TCP11L2: variants seen among roughly 807,000 people sequenced by gnomAD.
TCP11L2 encodes t-complex 11 like 2.
Under a neutral mutation model 50.7 loss-of-function variants are expected in TCP11L2, and 39 were observed. That is an observed-to-expected ratio of 0.77 (90% CI 0.60 to 1.01). The LOEUF (loss-of-function observed/expected upper bound fraction) is 1.01. Among genes scored for constraint, TCP11L2 ranks in the 50% least tolerant of loss-of-function variants. The pLI, the probability that TCP11L2 is intolerant of heterozygous loss-of-function variation, is 0.00. For synonymous variants in TCP11L2, 192 were observed against 219.3 expected (o/e 0.88, Z 1.10); for missense variants, 612 against 614.7 (o/e 1.00, Z 0.05).
At chr12:106,316,203 A>C (rs1440012815) in intron 3 of TCP11L2, among the ~76,000 whole-genome samples, 2 of 152,128 alleles carry the variant, frequency 1.3e-5, no homozygotes, top group Admixed American at 1.3e-4. Flanking sequence ...TTTCAGTCCT[A>C]ACTGGTTGCC....
intron 2 of TCP11L2, chr12:106,312,231 G>A: frequency 2.5e-6 from 1 of 405,802 alleles, no homozygotes; most frequent in Non-Finnish European, 4.7e-6. Flanking sequence ...ATTAACCATT[G>A]ATTAATCACT....
At chr12:106,319,800 T>A (rs2035270515) in intron 4 of TCP11L2, among the ~76,000 whole-genome samples, 2 of 152,268 alleles carry the variant, frequency 1.3e-5, no homozygotes, top group South Asian at 4.1e-4. Context: ...GGACTTGAAC[T>A]GAGCCATACT....
chr12:106,346,468 C>A lies in TCP11L2; in HGVS notation c.1498C>A (p.Arg500=). The A allele has an allele frequency of 6.2e-7, 1 of 1,614,084 alleles. No individual in the cohort carries two copies. Among genetic ancestry groups the A allele is most frequent in the Non-Finnish European group, 8.5e-7 (1 of 1,179,996 alleles). ...TGGACCATTTTATGCAAATATACTT[C>A]GAAAGCTGCTCTTCAATGAGGAAGC... ...VYGPFYANIL[R]KLLFNEEAMG... is the part of the protein sequence containing the mutation. Residue 500 remains arginine (R), a synonymous_variant, in exon 10 of 10, where the codon CGA becomes AGA. Coordinates refer to ENST00000299045, the MANE Select transcript of TCP11L2 (RefSeq NM_152772.3).
upstream of TCP11L2, among the ~76,000 whole-genome samples, chr12:106,299,111 C>T (rs1276652438): frequency 1.3e-5 from 2 of 152,152 alleles, no homozygotes; most frequent in East Asian, 1.9e-4. Context: ...CCACCATGCC[C>T]AGCCCATTTT....
chr12:106,327,371 A>AT (rs1592960971), intron 6 of TCP11L2, among the ~76,000 whole-genome samples: 2 of 152,090 alleles, frequency 1.3e-5, no homozygotes, highest in South Asian at 4.2e-4. Context: ...TTTTTAAAAC[A>AT]TTTTTTGTAG....
At chr12:106,305,273 T>C (rs2034582526) in intron 1 of TCP11L2, among the ~76,000 whole-genome samples, 1 of 151,794 alleles carries the variant, frequency 6.6e-6, no homozygotes, top group South Asian at 2.1e-4. Context: ...AAAGAACTTA[T>C]CATAGAACAG....
chr12:106,317,952 T>C (rs572633767), intron 3 of TCP11L2, among the ~76,000 whole-genome samples: 1 of 152,360 alleles, frequency 6.6e-6, no homozygotes, highest in Admixed American at 6.5e-5. Context: ...ATCTGTTCTA[T>C]TCCATGCCAT....
chr12:106,311,039 AG>A lies in TCP11L2; in HGVS notation c.-35del. On this transcript the variant is annotated splice_acceptor_variant, in intron 1 of 9. Transcript: ENST00000299045. LOFTEE classifies it low-confidence loss of function (5UTR_SPLICE). ...TGACGCAGGGTCTGTTTGTCTGTGC[AG>A]GTGCTACCTTTTTACCCACACTTAA... is the stretch of plus-strand genomic sequence containing the variant. 1 of 1,608,952 alleles carries A rather than the reference AG, an allele frequency of 6.2e-7. No individual in the cohort carries two copies.
chr12:106,319,133 G>C lies in TCP11L2; in HGVS notation c.414+669G>C, dbSNP rs372228822. On this transcript the variant is annotated intron_variant, in intron 4 of 9. Transcript: ENST00000299045. The stretch of plus-strand genomic sequence containing the variant: ...TCACCTTGTTAGCCAGGATGGTCTC[G>C]ATCTCCTGACCTCATGATTCGCCCA... 7.2e-5 allele frequency among the ~76,000 whole-genome samples: 11 copies of C among 151,886 alleles called. No individual in the cohort carries two copies. The East Asian group carries it at 1.2e-3, about 16-fold the overall frequency.
intron 6 of TCP11L2, among the ~76,000 whole-genome samples, chr12:106,334,669 G>C (rs758600499): frequency 6.6e-6 from 1 of 152,140 alleles, no homozygotes; most frequent in African/African-American, 2.4e-5. Context: ...TCAGCCGGGC[G>C]CAGTGGCTCA....
At chr12:106,310,723 A>G (rs1300794858) in intron 1 of TCP11L2, among the ~76,000 whole-genome samples, 1 of 152,218 alleles carries the variant, frequency 6.6e-6, no homozygotes, top group South Asian at 2.1e-4. Flanking sequence ...CTCATGTTTC[A>G]GCAACCCAGG....
At chr12:106,313,582 A>AAAAAT (rs140565830) in intron 2 of TCP11L2, among the ~76,000 whole-genome samples, 2 of 139,334 alleles carry the variant, frequency 1.4e-5, no homozygotes, top group African/African-American at 5.4e-5. Context: ...CCATCTCAAA[A>AAAAAT]AAATAAATAA....
upstream of TCP11L2, among the ~76,000 whole-genome samples, chr12:106,299,997 T>C (rs780397652): frequency 6.6e-6 from 1 of 152,194 alleles, no homozygotes; most frequent in Non-Finnish European, 1.5e-5. Flanking sequence ...CCAAGAGTGA[T>C]AGACCACATT....
chr12:106,301,163 G>C (rs2034403896), upstream of TCP11L2, among the ~76,000 whole-genome samples: 1 of 152,192 alleles, frequency 6.6e-6, no homozygotes, highest in Non-Finnish European at 1.5e-5. Flanking sequence ...ACACAAATAA[G>C]AGCATGTTTG....
intron 6 of TCP11L2, among the ~76,000 whole-genome samples, chr12:106,335,365 T>G (rs1565858333): frequency 6.6e-6 from 1 of 152,236 alleles, no homozygotes; most frequent in Non-Finnish European, 1.5e-5. Flanking sequence ...ATCTAGAATG[T>G]GCCATATGCT....
chr12:106,345,563 T>A (rs1159776097), intron 9 of TCP11L2, among the ~76,000 whole-genome samples: 2 of 152,230 alleles, frequency 1.3e-5, no homozygotes, highest in African/African-American at 4.8e-5. Flanking sequence ...AATGCCAGTT[T>A]ACAAACTCAG....
chr12:106,309,635 C>T (rs1423029702), intron 1 of TCP11L2, among the ~76,000 whole-genome samples: 2 of 151,748 alleles, frequency 1.3e-5, no homozygotes, highest in Admixed American at 6.6e-5. Context: ...TTCTCCCGCT[C>T]TGCTAATCCT....
intron 1 of TCP11L2, among the ~76,000 whole-genome samples, chr12:106,307,657 C>T (rs1474901971): frequency 1.3e-5 from 2 of 152,128 alleles, no homozygotes; most frequent in Non-Finnish European, 1.5e-5. Flanking sequence ...AGACCATTCA[C>T]ACAGTGATGG....
At chr12:106,302,392 GCTCAGCCCCCGCTCAGCCCCCGCTCCC>G, upstream of TCP11L2, among the ~76,000 whole-genome samples, 1 of 77,086 alleles carries the variant, frequency 1.3e-5, no homozygotes, top group East Asian at 4.0e-4. Flanking sequence ...CTCAGCCCCC[GCTCAGCCCCCGCTCAGCCCCCGCTCCC>G]CCACTCGGCC....
Sources: gnomAD v4.1 joint callset for allele counts (sites outside exome capture counted in the v4.1 genomes callset) on GRCh38, gnomAD v4.1.1 for gene constraint, MANE v1.5 for transcripts, NCBI Gene and HGNC (gene_info 2026-07-23, HGNC 2026-07-21) for gene names.